The following GPM6A variants were observed in gnomAD, a reference collection of about 807,000 sequenced individuals.
GPM6A encodes the protein glycoprotein M6A, also known as neuronal membrane glycoprotein M6-a.
A neutral mutation model predicts 32.1 loss-of-function variants in GPM6A; 7 were observed. The observed-to-expected ratio is 0.22, with a 90% CI of 0.12 to 0.41. The LOEUF is 0.41. GPM6A is among the 10% of genes least tolerant of loss of function. The pLI is 1.00. For synonymous variants in GPM6A, 130 were observed against 123.4 expected (o/e 1.05, Z -0.35); for missense variants, 235 against 347.2 (o/e 0.68, Z 2.57).
chr4:175,698,464 A>G (rs1230149391), intron 2 of GPM6A, among the ~76,000 whole-genome samples: 2 of 152,094 alleles, frequency 1.3e-5, no homozygotes, highest in Non-Finnish European at 2.9e-5. Flanking sequence ...CTTATTTTAC[A>G]TCTTCTGTTT....
intron 1 of GPM6A, among the ~76,000 whole-genome samples, chr4:175,852,340 T>A (rs1428883138): frequency 1.3e-5 from 2 of 152,142 alleles, no homozygotes; most frequent in Admixed American, 1.3e-4. Flanking sequence ...GAAAATGAAC[T>A]GATAAGAACC....
chr4:175,775,593 A>G (rs1733361802), intron 1 of GPM6A, among the ~76,000 whole-genome samples: 1 of 152,130 alleles, frequency 6.6e-6, no homozygotes, highest in South Asian at 2.1e-4. Flanking sequence ...GGCAAATTTG[A>G]TGGAGCAGAA....
chr4:175,852,525 G>A (rs1736291388), intron 1 of GPM6A, among the ~76,000 whole-genome samples: 1 of 152,084 alleles, frequency 6.6e-6, no homozygotes, highest in South Asian at 2.1e-4. Flanking sequence ...AAGTGAACTA[G>A]CCCTTTATTG....
intron 1 of GPM6A, among the ~76,000 whole-genome samples, chr4:175,708,446 C>T (rs747168072): frequency 2.0e-4 from 31 of 151,562 alleles, no homozygotes; most frequent in African/African-American, 5.6e-4. Context: ...AGTGCAATGA[C>T]GCAATCTTGG....
chr4:175,657,214 A>C (rs1231348998), intron 3 of GPM6A, among the ~76,000 whole-genome samples: 1 of 152,240 alleles, frequency 6.6e-6, no homozygotes, highest in Non-Finnish European at 1.5e-5. Context: ...AGTATCTTTA[A>C]ATTTTATCAA....
chr4:175,742,846 C>T (rs1411143526), intron 1 of GPM6A, among the ~76,000 whole-genome samples: 3 of 151,948 alleles, frequency 2.0e-5, no homozygotes, highest in South Asian at 2.1e-4. Context: ...ACATGATCTC[C>T]TTAAATAATT....
chr4:175,998,605 A>G (rs1031213070), intron 1 of GPM6A, among the ~76,000 whole-genome samples: 2 of 152,158 alleles, frequency 1.3e-5, no homozygotes, highest in Non-Finnish European at 2.9e-5. Context: ...TCTAGACAAA[A>G]TCTTCTATTC....
At chr4:175,715,619 A>C (rs1745799867) in intron 1 of GPM6A, among the ~76,000 whole-genome samples, 1 of 152,176 alleles carries the variant, frequency 6.6e-6, no homozygotes, top group Non-Finnish European at 1.5e-5. Context: ...GTCTGACACA[A>C]GCTGATCTAT....
At chr4:175,790,208 ACAGCTTCTGAGAAGCCCAGGTTC>A (rs1733958769) in intron 1 of GPM6A, 1 of 152,138 alleles carries the variant, frequency 6.6e-6, no homozygotes, top group African/African-American at 2.4e-5. Flanking sequence ...CATCTAGTTA[ACAGCTTCTGAGAAGCCCAGGTTC>A]CCAATTTCTG....
chr4:175,644,294 C>T (rs1390235810), intron 4 of GPM6A, among the ~76,000 whole-genome samples: 1 of 151,760 alleles, frequency 6.6e-6, no homozygotes, highest in Non-Finnish European at 1.5e-5. Flanking sequence ...AAACTTGCCC[C>T]GGTATCTTAC....
chr4:175,704,097 A>G (rs1371592562), intron 1 of GPM6A, among the ~76,000 whole-genome samples: 2 of 152,200 alleles, frequency 1.3e-5, no homozygotes, highest in Non-Finnish European at 2.9e-5. Context: ...TGATAATTGC[A>G]AAGTTCCTGT....
At chr4:175,870,968 CTAT>C (rs563217859) in intron 1 of GPM6A, among the ~76,000 whole-genome samples, 182 of 152,070 alleles carry the variant, frequency 1.2e-3, no homozygotes, top group African/African-American at 3.6e-3. Context: ...ATGTGAGTAC[CTAT>C]TATTATTATC....
At chr4:175,728,314 T>TTAAATTTAAATTAAATTATTAAATAAAAA in intron 1 of GPM6A, among the ~76,000 whole-genome samples, 1 of 152,092 alleles carries the variant, frequency 6.6e-6, no homozygotes, top group African/African-American at 2.4e-5. Flanking sequence ...CAAATAAAAT[T>TTAAATTTAAATTAAATTATTAAATAAAAA]TAAAAATTAA....
intron 2 of GPM6A, among the ~76,000 whole-genome samples, chr4:175,674,293 T>C (rs1441398504): frequency 1.3e-5 from 2 of 152,182 alleles, no homozygotes; most frequent in Non-Finnish European, 2.9e-5. Context: ...TTCTCCTGCC[T>C]CAGCCTCCCA....
At chr4:175,812,592 A>T, upstream of GPM6A, 1 of 1,014,540 alleles carries the variant, frequency 9.9e-7, no homozygotes, top group Non-Finnish European at 1.2e-6. Flanking sequence ...ACTATGATTC[A>T]CAAGTCTTGC....
chr4:175,816,917 C>T (rs373024391), upstream of GPM6A, among the ~76,000 whole-genome samples: 38 of 151,730 alleles, frequency 2.5e-4, 1 homozygote, highest in South Asian at 5.4e-3. Context: ...TGGAGTGCAG[C>T]GGCGCGGTCT....
chr4:175,721,567 T>C (rs1320948049), intron 1 of GPM6A, among the ~76,000 whole-genome samples: 1 of 152,212 alleles, frequency 6.6e-6, no homozygotes, highest in Non-Finnish European at 1.5e-5. Context: ...ACAGCTGCTG[T>C]ACAAACTTAA....
At chr4:175,738,633 T>C (rs1731759074) in intron 1 of GPM6A, among the ~76,000 whole-genome samples, 2 of 151,950 alleles carry the variant, frequency 1.3e-5, no homozygotes, top group South Asian at 4.2e-4. Context: ...AAGTGAAATG[T>C]TCAGTGATTT....
At chr4:175,894,653 AT>A (rs1443241741) in intron 1 of GPM6A, among the ~76,000 whole-genome samples, 9 of 152,194 alleles carry the variant, frequency 5.9e-5, no homozygotes, top group African/African-American at 2.2e-4. Flanking sequence ...GAATACAAGG[AT>A]TTTAATGTTA....
Sources: allele counts gnomAD v4.1 joint callset (sites outside exome capture counted in the v4.1 genomes callset), GRCh38; gene constraint gnomAD v4.1.1; transcripts MANE v1.5; gene names NCBI Gene and HGNC (gene_info 2026-07-23, HGNC 2026-07-21).